Variants in FRMD4A observed in about 807,000 individuals in gnomAD.
FRMD4A encodes the protein FERM domain containing 4A.
Under a neutral mutation model 129.1 loss-of-function variants are expected in FRMD4A, and 29 were observed. The observed-to-expected ratio is 0.22, with a 90% CI of 0.17 to 0.31. The LOEUF is 0.31. Ranked by LOEUF, FRMD4A falls within the 10% of genes least tolerant of loss-of-function variation. The pLI, the probability that FRMD4A is intolerant of heterozygous loss-of-function variation, is 1.00. For synonymous variants in FRMD4A, 634 were observed against 571.6 expected, an observed-to-expected ratio of 1.11 and a Z score of -1.56; for missense variants, 1,272 against 1,375.8, an observed-to-expected ratio of 0.92 and a Z score of 1.19.
intron 2 of FRMD4A, among the ~76,000 whole-genome samples, chr10:14,138,539 T>C (rs1249328392): frequency 1.3e-5 from 2 of 151,570 alleles, no homozygotes; most frequent in African/African-American, 4.9e-5. Context: ...TGAGGGCAGA[T>C]CATGAGGTCA....
intron 2 of FRMD4A, among the ~76,000 whole-genome samples, chr10:13,878,475 A>G (rs1460856516): frequency 6.6e-6 from 1 of 152,172 alleles, no homozygotes; most frequent in Non-Finnish European, 1.5e-5. Context: ...AAATAAAGCC[A>G]GGCATGGTGG....
At chr10:14,070,523 G>A (rs1200097462) in intron 2 of FRMD4A, among the ~76,000 whole-genome samples, 1 of 152,064 alleles carries the variant, frequency 6.6e-6, no homozygotes, top group Non-Finnish European at 1.5e-5. Context: ...GAAGAGATGG[G>A]GTATTAGAAG....
chr10:13,869,147 G>A (rs2131077443), intron 2 of FRMD4A, among the ~76,000 whole-genome samples: 1 of 152,298 alleles, frequency 6.6e-6, no homozygotes, highest in Admixed American at 6.5e-5. Context: ...AGCGGTCTAT[G>A]TGATTCAAGC....
At chr10:13,898,483 T>C (rs1411481001) in intron 2 of FRMD4A, among the ~76,000 whole-genome samples, 2 of 152,216 alleles carry the variant, frequency 1.3e-5, no homozygotes, top group African/African-American at 4.8e-5. Context: ...AATGAGGATG[T>C]AGTCAAATTT....
At chr10:13,925,149 C>A (rs1180122316) in intron 2 of FRMD4A, among the ~76,000 whole-genome samples, 1 of 150,828 alleles carries the variant, frequency 6.6e-6, no homozygotes, top group Non-Finnish European at 1.5e-5. Flanking sequence ...TGTGGTGGCA[C>A]AATGGGCAAG....
chr10:13,695,881 G>A (rs957209170), intron 14 of FRMD4A, among the ~76,000 whole-genome samples: 1 of 152,232 alleles, frequency 6.6e-6, no homozygotes, highest in African/African-American at 2.4e-5. Context: ...CTGAATGCCT[G>A]CAGCTCTGCC....
At chr10:13,785,275 T>C (rs74121619) in intron 5 of FRMD4A, among the ~76,000 whole-genome samples, 2,213 of 152,270 alleles carry the variant, frequency 0.015, 61 homozygotes, top group African/African-American at 0.051. Flanking sequence ...CAGATATCAT[T>C]AGTACAATTC....
chr10:13,842,071 A>T (rs920923082), intron 3 of FRMD4A, among the ~76,000 whole-genome samples: 1 of 152,220 alleles, frequency 6.6e-6, no homozygotes, highest in African/African-American at 2.4e-5. Flanking sequence ...GGGCTTTGTC[A>T]GTCACAGAGA....
At chr10:13,689,198 C>CGG (rs61670615) in intron 15 of FRMD4A, among the ~76,000 whole-genome samples, 2 of 68,060 alleles carry the variant, frequency 2.9e-5, no homozygotes, top group African/African-American at 9.0e-5. Context: ...AAACTCTTTG[C>CGG]GGGGGGGGGG....
At chr10:13,987,406 C>T (rs912775666) in intron 2 of FRMD4A, among the ~76,000 whole-genome samples, 1 of 152,140 alleles carries the variant, frequency 6.6e-6, no homozygotes, top group Non-Finnish European at 1.5e-5. Flanking sequence ...CAGGATGTCT[C>T]CTTCCACCAT....
intron 12 of FRMD4A, among the ~76,000 whole-genome samples, chr10:13,718,565 G>A (rs908847651): frequency 6.6e-6 from 1 of 152,246 alleles, no homozygotes; most frequent in East Asian, 1.9e-4. Context: ...GAGGACTTCA[G>A]ATCTAGACTT....
At chr10:13,762,749 AT>A (rs2092124285) in intron 6 of FRMD4A, 69 bp from the exon 7 acceptor site, 1 of 941,840 alleles carries the variant, frequency 1.1e-6, no homozygotes, top group Non-Finnish European at 1.7e-6. Flanking sequence ...TTTATTTTAA[AT>A]GACAGCTCTT....
At chr10:13,855,570 G>C (rs928776313) in intron 3 of FRMD4A, among the ~76,000 whole-genome samples, 5 of 152,056 alleles carry the variant, frequency 3.3e-5, no homozygotes, top group Non-Finnish European at 7.4e-5. Flanking sequence ...CATTTCTACA[G>C]CTCCAGGTCA....
intron 3 of FRMD4A, among the ~76,000 whole-genome samples, chr10:13,851,365 A>G (rs894941481): frequency 2.6e-5 from 4 of 152,208 alleles, no homozygotes; most frequent in African/African-American, 9.6e-5. Context: ...TCTATCTTCT[A>G]TAGCAGGAAT....
chr10:13,730,282 G>A (rs1833579215), intron 12 of FRMD4A, among the ~76,000 whole-genome samples: 1 of 152,166 alleles, frequency 6.6e-6, no homozygotes, highest in Admixed American at 6.5e-5. Flanking sequence ...TATCTGCCCT[G>A]TGGGATCCCG....
chr10:14,302,623 T>C (rs1267537443), intron 2 of FRMD4A, among the ~76,000 whole-genome samples: 1 of 152,212 alleles, frequency 6.6e-6, no homozygotes, highest in Non-Finnish European at 1.5e-5. Context: ...TAGCACATAG[T>C]AATTTCACTA....
chr10:13,977,054 C>T (rs764177442), intron 2 of FRMD4A, among the ~76,000 whole-genome samples: 2 of 152,020 alleles, frequency 1.3e-5, no homozygotes, highest in African/African-American at 4.8e-5. Context: ...CTTGGAAGAA[C>T]AAAAGAAGAT....
intron 2 of FRMD4A, among the ~76,000 whole-genome samples, chr10:13,940,482 A>T (rs773701124): frequency 6.6e-6 from 1 of 152,180 alleles, no homozygotes; most frequent in African/African-American, 2.4e-5. Flanking sequence ...GATGCCATAC[A>T]TGTTATTTCT....
chr10:13,969,823 G>C (rs944920876), intron 2 of FRMD4A, among the ~76,000 whole-genome samples: 2 of 152,128 alleles, frequency 1.3e-5, no homozygotes, highest in Admixed American at 1.3e-4. Flanking sequence ...CTGCAGCCTG[G>C]GTGACAGAGC....
Sources: gnomAD v4.1 joint callset for allele counts (sites outside exome capture counted in the v4.1 genomes callset) on GRCh38, gnomAD v4.1.1 for gene constraint, MANE v1.5 for transcripts, NCBI Gene and HGNC (gene_info 2026-07-23, HGNC 2026-07-21) for gene names.